LRRC57: variants seen among roughly 807,000 people sequenced by gnomAD.
LRRC57 encodes leucine rich repeat containing 57.
A neutral mutation model predicts 23.1 loss-of-function variants in LRRC57; 14 were observed. The observed-to-expected ratio is 0.61, with a 90% CI of 0.40 to 0.95. The LOEUF (loss-of-function observed/expected upper bound fraction) is 0.95. LRRC57 is among the 40% of genes least tolerant of loss of function. The pLI is 0.00. For missense variants in LRRC57, 236 were observed against 284.4 expected, an observed-to-expected ratio of 0.83 and a Z score of 1.22; for synonymous variants, 106 against 115.2, an observed-to-expected ratio of 0.92 and a Z score of 0.51.
chr15:42,530,463 G>A, the LRRC57 span, among the ~76,000 whole-genome samples: 1 of 152,142 alleles, frequency 6.6e-6, no homozygotes, highest in Non-Finnish European at 1.5e-5. Context: ...TGTGTCACAT[G>A]TAAAGTCATA....
rs1303879039 is a variant in LRRC57, at chr15:42,547,483, T to C, written c.270A>G (p.Leu90=). The C allele has an allele frequency of 1.7e-5, 27 of 1,613,740 alleles. No individual in the cohort carries two copies. The highest frequency in any genetic ancestry group is 4.0e-5 in the African/African-American group (3 of 74,914). ...EICNLKKLET[L]SLNNNHLREL... ...CTCTAAGGTGATTGTTGTTTAGGCT[T>C]AGCGTCTCTAGTTTTTTCAGATTGC... The change falls in exon 4 of 6, where the codon CTA becomes CTG. Residue 90 remains leucine, a synonymous_variant. Transcript: ENST00000397130.
rs779761726 is a variant in LRRC57 at position 42,548,094 on chromosome 15, C to G, written c.223+12G>C. The G allele has an allele frequency of 6.8e-6, 11 of 1,613,712 alleles. No individual in the cohort carries two copies. Among genetic ancestry groups the G allele is most frequent in the Non-Finnish European group, 9.3e-6 (11 of 1,179,850 alleles). On this transcript the variant is annotated intron_variant, in intron 3 of 5. Coordinates refer to ENST00000397130, the MANE Select transcript of LRRC57 (RefSeq NM_153260.3). ...TGATCACTAGCAAAAGCCTCCCTGGCGAGAGCCATACTCAGTTTGTTGTTG... is the reference window on the plus strand; with the variant it reads ...TGATCACTAGCAAAAGCCTCCCTGGGGAGAGCCATACTCAGTTTGTTGTTG...
At chr15:42,545,571 A>G (rs1036058253) in intron 4 of LRRC57, 3 of 179,844 alleles carry the variant, frequency 1.7e-5, no homozygotes, top group Non-Finnish European at 3.5e-5. Context: ...GTTTAAAGAA[A>G]AAAGTTTACC....
the LRRC57 span, among the ~76,000 whole-genome samples, chr15:42,529,052 T>C: frequency 6.6e-6 from 1 of 152,234 alleles, no homozygotes; most frequent in Non-Finnish European, 1.5e-5. Flanking sequence ...TAGATTCCTG[T>C]AAGAAGATCT....
rs1453585072 is a variant in LRRC57 at position 42,540,169 on chromosome 15, G to A, written c.*3914C>T. On this transcript the variant is annotated 3_prime_UTR_variant, in exon 6 of 6. Coordinates refer to ENST00000397130, the MANE Select transcript of LRRC57 (RefSeq NM_153260.3). ...CAAGATCGCGCCATTGTACTCCAGC[G>A]TGGGCAAGAGTGAGCCTCTGGACCA... The A allele has an allele frequency of 2.0e-5, 3 of 149,952 alleles. No homozygotes were observed. The highest frequency in any genetic ancestry group is 7.4e-5 in the African/African-American group (3 of 40,328). 9.3% of individuals were successfully genotyped at this position (149,952 alleles called of 1,614,324 possible). A position where few individuals can be genotyped will look rare whatever the true frequency, so the allele number is the denominator to read the frequency against.
intron 1 of LRRC57, 100 bp from the exon 2 acceptor site, chr15:42,548,556 C>G (rs1326945257): frequency 1.1e-6 from 1 of 934,350 alleles, no homozygotes; most frequent in Non-Finnish European, 1.6e-6. Context: ...TCCCTGGCTC[C>G]TGGGGCCCGA....
In LRRC57 at chr15:42,547,356, G is replaced by C; in HGVS notation, c.397C>G (p.Leu133Val). 6.2e-7 allele frequency: 1 copy of C among 1,614,218 alleles called. No individual in the cohort carries two copies. The highest frequency in any genetic ancestry group is 8.5e-7 in the Non-Finnish European group (1 of 1,180,024). The change falls in exon 4 of 6, where the codon CTG becomes GTG. Residue 133 changes from leucine (L) to valine (V), a missense_variant. Leu to Val is a conservative substitution (Grantham distance 32). Coordinates refer to ENST00000397130, the MANE Select transcript of LRRC57 (RefSeq NM_153260.3). Reference sequence around the variant, plus strand: ...TTCTTAGAGAGATCCATCACATCCAGGTGCCGTAGGCTACAAAGTTGGGGA... The same window carrying C: ...TTCTTAGAGAGATCCATCACATCCACGTGCCGTAGGCTACAAAGTTGGGGA... The part of the protein sequence containing the change: ...LPPQLCSLRH[L>V]DVMDLSKNQI...
rs942075193 is a variant in LRRC57, at chr15:42,542,512, C to T, written c.*1571G>A. ...CTCCTTTAAAGGATTAACCTTGCTTCCAGCCAAAGTTCATTAAAAAATTCT... is the reference window on the plus strand; with the variant it reads ...CTCCTTTAAAGGATTAACCTTGCTTTCAGCCAAAGTTCATTAAAAAATTCT... On this transcript the variant is annotated 3_prime_UTR_variant, in exon 6 of 6. Transcript: ENST00000397130. 2.6e-5 allele frequency: 4 copies of T among 152,494 alleles called. No individual in the cohort carries two copies. Among genetic ancestry groups the T allele is most frequent in the African/African-American group, 9.7e-5 (4 of 41,432 alleles). The allele number at this position is 152,494 out of a possible 1,614,324, so 9.4% of individuals were successfully genotyped here. A position where few individuals can be genotyped will look rare whatever the true frequency, so the allele number is the denominator to read the frequency against.
rs776073057 is a variant in LRRC57, at chr15:42,544,041, C to G, written c.*42G>C. The G allele has an allele frequency of 1.1e-5, 17 of 1,586,278 alleles. No homozygotes were observed. The South Asian group carries it at 1.9e-4, about 18-fold the overall frequency. On this transcript the variant is annotated 3_prime_UTR_variant, in exon 6 of 6. Coordinates refer to ENST00000397130, the MANE Select transcript of LRRC57 (RefSeq NM_153260.3). ...ACTCAGCCACATTCCAACAGAGGTT[C>G]TAAGTCAGTATCCTGTAAGGTTTCC...
rs2057619949 is a variant in LRRC57, at chr15:42,539,942, T to A, written c.*4141A>T. On this transcript the variant is annotated 3_prime_UTR_variant, in exon 6 of 6. Coordinates refer to ENST00000397130, the MANE Select transcript of LRRC57 (RefSeq NM_153260.3). ...GGGCACGTTAGCTCACGCCTGCAATTCCCAGCATTTTGGGAGGCCAAGGCA... is the reference window on the plus strand; with the variant it reads ...GGGCACGTTAGCTCACGCCTGCAATACCCAGCATTTTGGGAGGCCAAGGCA... 6.6e-6 allele frequency: 1 copy of A among 152,134 alleles called. No homozygotes were observed. Among genetic ancestry groups the A allele is most frequent in the Admixed American group, 6.6e-5 (1 of 15,254 alleles). The allele number at this position is 152,134 out of a possible 1,614,324, so 9.4% of individuals were successfully genotyped here.
the LRRC57 span, chr15:42,529,635 T>C: frequency 6.3e-7 from 1 of 1,592,068 alleles, no homozygotes; most frequent in Non-Finnish European, 8.5e-7. Flanking sequence ...TTTATTTAAA[T>C]TCAACAAAAC....
rs2057629449 is a variant in LRRC57 at position 42,541,584 on chromosome 15, T to TAA, written c.*2498_*2499insTT. On this transcript the variant is annotated 3_prime_UTR_variant, in exon 6 of 6. Transcript: ENST00000397130. Reference sequence around the variant, plus strand: ...TTGTCGTGGAGGTTAAATAGTAGGTTTGTGTGATCTCTTGACTTAATGGAT... The same window carrying TAA: ...TTGTCGTGGAGGTTAAATAGTAGGTTAATGTGTGATCTCTTGACTTAATGGAT... 6.6e-6 allele frequency: 1 copy of TAA among 152,148 alleles called. No individual in the cohort carries two copies. Among genetic ancestry groups the TAA allele is most frequent in the African/African-American group, 2.4e-5 (1 of 41,408 alleles). The allele number at this position is 152,148 out of a possible 1,614,324, so 9.4% of individuals were successfully genotyped here.
At chr15:42,531,319 A>G in the LRRC57 span, 1 of 742,922 alleles carries the variant, frequency 1.3e-6, no homozygotes. Context: ...GGTTTCTTGG[A>G]TTTTCTTGGT....
chr15:42,547,556 C>G, intron 3 of LRRC57, 27 bp from the exon 4 acceptor site: 1 of 1,589,584 alleles, frequency 6.3e-7, no homozygotes. Context: ...TTTTTAAAAC[C>G]TGAATGTGAT....
chr15:42,531,438 A>G, the LRRC57 span: 1 of 1,596,162 alleles, frequency 6.3e-7, no homozygotes, highest in Non-Finnish European at 8.5e-7. Context: ...GATCGTATTG[A>G]TATTGCCAAT....
rs2057608579 is a variant in LRRC57 at position 42,537,913 on chromosome 15, G to A, written c.*6170C>T. 1 of 152,172 alleles carries A rather than the reference G, an allele frequency of 6.6e-6. No homozygotes were observed. The highest frequency in any genetic ancestry group is 1.9e-4 in the East Asian group (1 of 5,198). The allele number at this position is 152,172 out of a possible 1,614,324, so 9.4% of individuals were successfully genotyped here. On this transcript the variant is annotated 3_prime_UTR_variant, in exon 6 of 6. Coordinates refer to ENST00000397130, the MANE Select transcript of LRRC57 (RefSeq NM_153260.3). The stretch of plus-strand genomic sequence containing the variant: ...AGAGGCTGGGTAGTGGGTGTACAGG[G>A]TGGGGCGATGAAGGAAGGTAGGTTA...
At chr15:42,546,834 C>A (rs1308444064) in intron 4 of LRRC57, among the ~76,000 whole-genome samples, 3 of 152,100 alleles carry the variant, frequency 2.0e-5, no homozygotes, top group Admixed American at 6.6e-5. Flanking sequence ...ATGTCAAAAC[C>A]CCACACAAAA....
At position 42,543,375 on chromosome 15, in the gene LRRC57, T is replaced by C. The variant is rs1240645999; in HGVS notation, c.*708A>G. ...CCAACACACCCAGCTAATTTTTGTA[T>C]TTTTAGTAGAGACAGGGTTTCCTCA... On this transcript the variant is annotated 3_prime_UTR_variant, in exon 6 of 6. Coordinates refer to ENST00000397130, the MANE Select transcript of LRRC57 (RefSeq NM_153260.3). The C allele has an allele frequency of 6.6e-6, 1 of 151,936 alleles. No individual in the cohort carries two copies. Among genetic ancestry groups the C allele is most frequent in the Non-Finnish European group, 1.5e-5 (1 of 68,018 alleles). 9.4% of individuals were successfully genotyped at this position (151,936 alleles called of 1,614,324 possible).
the LRRC57 span, among the ~76,000 whole-genome samples, chr15:42,530,393 T>G: frequency 6.6e-6 from 1 of 152,200 alleles, no homozygotes; most frequent in Non-Finnish European, 1.5e-5. Flanking sequence ...TTCTTTTTTT[T>G]CCCCCTTAAC....
Sources: gnomAD v4.1 joint callset for allele counts (sites outside exome capture counted in the v4.1 genomes callset) on GRCh38, gnomAD v4.1.1 for gene constraint, MANE v1.5 for transcripts, NCBI Gene and HGNC (gene_info 2026-07-23, HGNC 2026-07-21) for gene names.